Variants in ANKRD30B observed in about 807,000 individuals in gnomAD.
The protein encoded by ANKRD30B is ankyrin repeat domain-containing protein 30B.
Under a neutral mutation model 202.2 loss-of-function variants are expected in ANKRD30B, and 144 were observed. That is an observed-to-expected ratio of 0.71 (90% CI 0.62 to 0.82). ANKRD30B has a LOEUF of 0.82. Ranked by LOEUF, ANKRD30B falls within the 40% of genes least tolerant of loss-of-function variation. The pLI is 0.00. For synonymous variants in ANKRD30B, 508 were observed against 561.3 expected (o/e 0.91, Z 1.34); for missense variants, 1,487 against 1,669.1 (o/e 0.89, Z 1.90).
Position 14,784,455 on chromosome 18 carries a change from C to G in ANKRD30B, c.1600-8C>G. 1 of 1,613,174 alleles carries G rather than the reference C, an allele frequency of 6.2e-7. No homozygotes were observed. The highest frequency in any genetic ancestry group is 8.5e-7 in the Non-Finnish European group (1 of 1,179,446). ...TTTATTGATCATTTTTCTTCCAAAC[C>G]CATTTAGCCTGCCGTTGAAATGCAA... On this transcript the variant is annotated splice_polypyrimidine_tract_variant and splice_region_variant and intron_variant, in intron 13 of 43. Transcript: ENST00000690538.
At chr18:14,903,989 A>G in the ANKRD30B span, among the ~76,000 whole-genome samples, 1 of 152,194 alleles carries the variant, frequency 6.6e-6, no homozygotes, top group Non-Finnish European at 1.5e-5. Flanking sequence ...TTAGATTATA[A>G]AGAAGGGCTG....
chr18:14,910,614 A>T, the ANKRD30B span, among the ~76,000 whole-genome samples: 1 of 151,830 alleles, frequency 6.6e-6, no homozygotes. Context: ...TTTTGATATA[A>T]TAAATTATTT....
At chr18:14,912,443 A>G in the ANKRD30B span, among the ~76,000 whole-genome samples, 3 of 152,214 alleles carry the variant, frequency 2.0e-5, no homozygotes, top group Non-Finnish European at 4.4e-5. Context: ...ATGTTGGACT[A>G]TCCTTGCATC....
chr18:14,784,616 A>C (rs954736032), intron 14 of ANKRD30B, 81 bp downstream of exon 14: 9 of 1,431,074 alleles, frequency 6.3e-6, no homozygotes, highest in Middle Eastern at 4.8e-4. Context: ...CCAATGATTT[A>C]TTTCTTTTAA....
At chr18:14,832,598 C>T (rs1339708060) in intron 34 of ANKRD30B, among the ~76,000 whole-genome samples, 1 of 151,988 alleles carries the variant, frequency 6.6e-6, no homozygotes, top group East Asian at 1.9e-4. Flanking sequence ...TACAGTCTTG[C>T]CTGTAAAAAG....
intron 8 of ANKRD30B, 32 bp downstream of exon 8, chr18:14,769,405 G>T: frequency 6.6e-7 from 1 of 1,525,708 alleles, no homozygotes; most frequent in African/African-American, 1.4e-5. Flanking sequence ...AAACGAATAG[G>T]TTAACTCAGA....
chr18:14,895,277 A>G, the ANKRD30B span, among the ~76,000 whole-genome samples: 1 of 151,812 alleles, frequency 6.6e-6, no homozygotes, highest in Non-Finnish European at 1.5e-5. Context: ...CCCTGAATCT[A>G]AAATAAAAGT....
intron 33 of ANKRD30B, among the ~76,000 whole-genome samples, chr18:14,829,235 T>G (rs903173676): frequency 6.6e-6 from 1 of 152,196 alleles, no homozygotes; most frequent in Non-Finnish European, 1.5e-5. Context: ...CAAAATACTT[T>G]CATATTTTAA....
At chr18:14,821,002 T>C (rs1005437343) in intron 30 of ANKRD30B, among the ~76,000 whole-genome samples, 9 of 152,178 alleles carry the variant, frequency 5.9e-5, no homozygotes, top group African/African-American at 2.2e-4. Flanking sequence ...CTGGACTCTT[T>C]TTGGTTGGTA....
At chr18:14,940,846 T>G in the ANKRD30B span, among the ~76,000 whole-genome samples, 1 of 152,170 alleles carries the variant, frequency 6.6e-6, no homozygotes, top group African/African-American at 2.4e-5. Context: ...GTCAAAGATG[T>G]GGCAGGAGTT....
the ANKRD30B span, among the ~76,000 whole-genome samples, chr18:14,917,479 CGGG>C: frequency 6.6e-6 from 1 of 152,200 alleles, no homozygotes; most frequent in Non-Finnish European, 1.5e-5. Flanking sequence ...CCTGCAGACA[CGGG>C]GTCTGGCCAT....
At chr18:14,790,993 A>G (rs1280784252) in intron 15 of ANKRD30B, among the ~76,000 whole-genome samples, 1 of 152,208 alleles carries the variant, frequency 6.6e-6, no homozygotes, top group African/African-American at 2.4e-5. Context: ...TACCTCTGGA[A>G]GAATTCGGCT....
intron 20 of ANKRD30B, among the ~76,000 whole-genome samples, chr18:14,798,114 A>C (rs1236024124): frequency 6.6e-6 from 1 of 152,160 alleles, no homozygotes; most frequent in East Asian, 1.9e-4. Flanking sequence ...CTTTGTTCCC[A>C]GGTGGATCAG....
chr18:14,772,745 A>G lies in ANKRD30B; in HGVS notation c.1329+517A>G, dbSNP rs183365947. ...TTTTTTTTGCATGTATTATTTTGATATCACGTAGTTTTCAGGAGAGAGCTT... is the reference window on the plus strand; with the variant it reads ...TTTTTTTTGCATGTATTATTTTGATGTCACGTAGTTTTCAGGAGAGAGCTT... On this transcript the variant is annotated intron_variant, in intron 9 of 43. Coordinates refer to ENST00000690538, the MANE Select transcript of ANKRD30B (RefSeq NM_001367607.2). 1.1e-4 allele frequency among the ~76,000 whole-genome samples: 15 copies of G among 133,156 alleles called. No homozygotes were observed. The East Asian group carries it at 3.3e-3, about 29-fold the overall frequency. 87.4% of individuals were successfully genotyped at this position (133,156 alleles called of 152,430 possible).
At chr18:14,750,750 A>T (rs1913295548) in intron 1 of ANKRD30B, among the ~76,000 whole-genome samples, 1 of 152,126 alleles carries the variant, frequency 6.6e-6, no homozygotes, top group African/African-American at 2.4e-5. Flanking sequence ...AGGTAGAAAC[A>T]TATACGGAAG....
At chr18:14,867,532 C>A in the ANKRD30B span, among the ~76,000 whole-genome samples, 1 of 152,126 alleles carries the variant, frequency 6.6e-6, no homozygotes, top group Non-Finnish European at 1.5e-5. Flanking sequence ...GCCTTCGCAC[C>A]CACCATGGTT....
At chr18:14,905,215 C>T in the ANKRD30B span, among the ~76,000 whole-genome samples, 2 of 152,162 alleles carry the variant, frequency 1.3e-5, no homozygotes, top group African/African-American at 4.8e-5. Flanking sequence ...AAACAGCAGC[C>T]CTTGAAGCTG....
chr18:14,822,653 A>T lies in ANKRD30B; in HGVS notation c.2719A>T (p.Lys907Ter). The change falls in exon 32 of 44, where the codon AAG becomes TAG. Residue 907 changes from lysine (K) to a stop codon, truncating the protein, a stop_gained. Coordinates refer to ENST00000690538, the MANE Select transcript of ANKRD30B (RefSeq NM_001367607.2). LOFTEE classifies it high-confidence loss of function. ...TCTTCCAAATAAAGCCTTAGAATTG[A>T]AGGACAGAGAAACATTCAAAGCAGG... Reference protein sequence around the residue: ...ISLPNKALELKDRETFKAEDV... With the variant: ...ISLPNKALEL 1 of 1,446,064 alleles carries T rather than the reference A, an allele frequency of 6.9e-7. No homozygotes were observed. Among genetic ancestry groups the T allele is most frequent in the Non-Finnish European group, 9.3e-7 (1 of 1,078,384 alleles). 89.6% of individuals were successfully genotyped at this position (1,446,064 alleles called of 1,614,324 possible).
chr18:14,817,895 T>C (rs1329056251), intron 30 of ANKRD30B, among the ~76,000 whole-genome samples: 69 of 152,284 alleles, frequency 4.5e-4, no homozygotes, highest in Non-Finnish European at 6.6e-4. Context: ...CTACCTGCAA[T>C]ATGGTCATGT....
Sources: allele counts gnomAD v4.1 joint callset (sites outside exome capture counted in the v4.1 genomes callset), GRCh38; gene constraint gnomAD v4.1.1; transcripts MANE v1.5; gene names NCBI Gene and HGNC (gene_info 2026-07-23, HGNC 2026-07-21).